The following LRRFIP2 variants were observed in gnomAD, a reference collection of about 807,000 sequenced individuals.
The protein encoded by LRRFIP2 is LRR binding FLII interacting protein 2.
A neutral mutation model predicts 125.9 loss-of-function variants in LRRFIP2; 109 were observed. The ratio of observed to expected loss-of-function variants is 0.87; its 90% CI spans 0.74 to 1.01. The LOEUF is 1.01. Among genes scored for constraint, LRRFIP2 ranks in the 50% least tolerant of loss-of-function variants. LRRFIP2 has a pLI of 0.00. For synonymous variants in LRRFIP2, 291 were observed against 293.1 expected, an observed-to-expected ratio of 0.99 and a Z score of 0.07; for missense variants, 850 against 862.3, an observed-to-expected ratio of 0.99 and a Z score of 0.18.
intron 2 of LRRFIP2, among the ~76,000 whole-genome samples, chr3:37,139,465 C>A (rs1234646174): frequency 6.6e-6 from 1 of 152,152 alleles, no homozygotes; most frequent in Non-Finnish European, 1.5e-5. Context: ...TTTAGTATTT[C>A]CCCTCCTGTG....
intron 14 of LRRFIP2, 47 bp downstream of exon 14, chr3:37,105,408 T>C: frequency 6.8e-7 from 1 of 1,474,440 alleles, no homozygotes; most frequent in Non-Finnish European, 9.5e-7. Context: ...CATGCATTGC[T>C]GTCATTTAAA....
intron 2 of LRRFIP2, among the ~76,000 whole-genome samples, chr3:37,139,653 A>T (rs1311026689): frequency 6.6e-6 from 1 of 151,952 alleles, no homozygotes; most frequent in Non-Finnish European, 1.5e-5. Flanking sequence ...CGTCACACAC[A>T]CTCACACACA....
chr3:37,080,126 G>A (rs555725492), intron 19 of LRRFIP2, among the ~76,000 whole-genome samples: 3 of 152,224 alleles, frequency 2.0e-5, no homozygotes, highest in South Asian at 2.1e-4. Flanking sequence ...TAGGCCAGGC[G>A]CAGTGGCTCA....
chr3:37,116,427 G>A (rs555059753), intron 6 of LRRFIP2, among the ~76,000 whole-genome samples: 42 of 152,016 alleles, frequency 2.8e-4, no homozygotes, highest in Admixed American at 7.2e-4. Flanking sequence ...AGAGGCCACC[G>A]TACCCTGCCC....
In LRRFIP2 at chr3:37,091,480, A is replaced by G. The variant is rs755912313; in HGVS notation, c.1094T>C (p.Leu365Pro). The G allele has an allele frequency of 2.0e-5, 33 of 1,611,634 alleles. No individual in the cohort carries two copies. In the South Asian group the frequency reaches 3.5e-4, roughly 17 times the overall value. ...GGGCCCTGATACCTTTAGTTCTTTA[A>G]GCCCCTGCATGTATCTCCCTTCTAC... ...QDVEGRYMQG[L>P]KELKESLSEV... Residue 365 changes from leucine to proline, a missense_variant, in exon 18 of 28, where the codon CTT (leucine) becomes CCT (proline). Leu to Pro is a moderately conservative substitution (Grantham distance 98). Transcript: ENST00000336686.
At chr3:37,093,558 C>T (rs1320348910) in intron 17 of LRRFIP2, among the ~76,000 whole-genome samples, 1 of 152,208 alleles carries the variant, frequency 6.6e-6, no homozygotes, top group Non-Finnish European at 1.5e-5. Flanking sequence ...ATTTTCTCCC[C>T]TTGCAGTTTT....
chr3:37,059,998 G>C (rs1307257761), intron 24 of LRRFIP2, among the ~76,000 whole-genome samples: 3 of 152,080 alleles, frequency 2.0e-5, no homozygotes, highest in African/African-American at 7.2e-5. Flanking sequence ...ACCATCATTA[G>C]CTGCCTTGAG....
intron 13 of LRRFIP2, among the ~76,000 whole-genome samples, chr3:37,106,022 G>C (rs1391223995): frequency 1.3e-5 from 2 of 152,138 alleles, no homozygotes; most frequent in Non-Finnish European, 2.9e-5. Context: ...CCAAGATCGT[G>C]CCATTGCACT....
chr3:37,061,808 C>T (rs554951003), intron 24 of LRRFIP2, among the ~76,000 whole-genome samples: 1 of 152,260 alleles, frequency 6.6e-6, no homozygotes, highest in African/African-American at 2.4e-5. Flanking sequence ...CTCAGCTACT[C>T]ACTCCCACAG....
In LRRFIP2 at chr3:37,072,787, T is replaced by C; in HGVS notation, c.1464+3A>G. The C allele has an allele frequency of 6.3e-7, 1 of 1,599,436 alleles. No individual in the cohort carries two copies. The highest frequency in any genetic ancestry group is 8.6e-7 in the Non-Finnish European group (1 of 1,167,290). On this transcript the variant is annotated splice_donor_region_variant and intron_variant, in intron 21 of 27. Coordinates refer to ENST00000336686, the MANE Select transcript of LRRFIP2 (RefSeq NM_006309.4). ...CTAACCAAAGCCCAATTTCATTTCATACCCCAATTTTTTTATCTTTCCAAA... is the reference window on the plus strand; with the variant it reads ...CTAACCAAAGCCCAATTTCATTTCACACCCCAATTTTTTTATCTTTCCAAA...
At chr3:37,066,659 G>T in intron 21 of LRRFIP2, 1 of 204,968 alleles carries the variant, frequency 4.9e-6, no homozygotes, top group Non-Finnish European at 1.0e-5. Context: ...GTAAAATAAA[G>T]CTTTCCTTAC....
intron 2 of LRRFIP2, among the ~76,000 whole-genome samples, chr3:37,130,571 T>G (rs9847972): frequency 0.065 from 9,905 of 152,202 alleles, 552 homozygotes; most frequent in African/African-American, 0.15. Context: ...ACAAAAATAT[T>G]AAGTGGAAAA....
chr3:37,094,665 A>T lies in LRRFIP2; in HGVS notation c.1035+127T>A, dbSNP rs561307351. The stretch of plus-strand genomic sequence containing the variant: ...AAACACTTGAGTCACACTTTTGTAC[A>T]GTACTTATTTTTTAAAAAGAAATCA... On this transcript the variant is annotated intron_variant, in intron 17 of 27. Coordinates refer to ENST00000336686, the MANE Select transcript of LRRFIP2 (RefSeq NM_006309.4). 6.9e-5 allele frequency: 43 copies of T among 624,390 alleles called. No individual in the cohort carries two copies. In the African/African-American group the frequency reaches 7.1e-4, roughly 10 times the overall value. 38.7% of individuals were successfully genotyped at this position (624,390 alleles called of 1,614,324 possible).
intron 19 of LRRFIP2, among the ~76,000 whole-genome samples, chr3:37,077,063 T>C (rs2092150668): frequency 6.6e-6 from 1 of 152,084 alleles, no homozygotes; most frequent in African/African-American, 2.4e-5. Flanking sequence ...AGAACAGAAC[T>C]ATGGGGAAAG....
intron 24 of LRRFIP2, 71 bp downstream of exon 24, chr3:37,063,671 T>C: frequency 9.0e-7 from 1 of 1,117,200 alleles, no homozygotes; most frequent in Non-Finnish European, 1.4e-6. Context: ...TTAATGAACA[T>C]TTCAATTAGC....
At chr3:37,074,895 G>T (rs2302504) in intron 20 of LRRFIP2, 129 bp downstream of exon 20, 236,766 of 594,916 alleles carry the variant, frequency 0.4, 50,412 homozygotes, top group Non-Finnish European at 0.46. Flanking sequence ...TTGAAAATTT[G>T]TAGTGTACAG....
chr3:37,176,017 C>T (rs1386686973), upstream of LRRFIP2: 1 of 152,170 alleles, frequency 6.6e-6, no homozygotes, highest in Non-Finnish European at 1.5e-5. Flanking sequence ...CCCAACTCCC[C>T]GCTCCCTGCT....
At chr3:37,092,235 C>G (rs936826340) in intron 17 of LRRFIP2, among the ~76,000 whole-genome samples, 2 of 152,216 alleles carry the variant, frequency 1.3e-5, no homozygotes, top group Admixed American at 1.3e-4. Flanking sequence ...TTCCCTGTGT[C>G]TGACCTTGTT....
At chr3:37,124,438 C>A (rs2095194463) in intron 4 of LRRFIP2, among the ~76,000 whole-genome samples, 1 of 152,156 alleles carries the variant, frequency 6.6e-6, no homozygotes, top group Non-Finnish European at 1.5e-5. Flanking sequence ...ACATTTGGGT[C>A]ATTTTTAATT....
Sources: gnomAD v4.1 joint callset for allele counts (sites outside exome capture counted in the v4.1 genomes callset) on GRCh38, gnomAD v4.1.1 for gene constraint, MANE v1.5 for transcripts, NCBI Gene and HGNC (gene_info 2026-07-23, HGNC 2026-07-21) for gene names.